YEATS2: variants seen among roughly 807,000 people sequenced by gnomAD.
YEATS2 encodes YEATS domain containing 2, also known as YEATS domain-containing protein 2.
YEATS2 carries 77 observed loss-of-function variants against 163.2 expected under a neutral mutation model. That is an observed-to-expected ratio of 0.47 (90% confidence interval 0.39 to 0.57). The LOEUF is 0.57. YEATS2 is among the 20% of genes least tolerant of loss of function. YEATS2 has a pLI of 0.00. For synonymous variants in YEATS2, 631 were observed against 645.1 expected, an observed-to-expected ratio of 0.98 and a Z score of 0.33; for missense variants, 1,549 against 1,729.8, an observed-to-expected ratio of 0.90 and a Z score of 1.85.
At chr3:183,792,764 C>T (rs1235240724) in intron 21 of YEATS2, among the ~76,000 whole-genome samples, 1 of 152,148 alleles carries the variant, frequency 6.6e-6, no homozygotes, top group Non-Finnish European at 1.5e-5. Flanking sequence ...CTACCTTGGC[C>T]TCCCAAAGTG....
At chr3:183,715,044 G>A in intron 1 of YEATS2, 100 bp from the exon 2 acceptor site, 1 of 625,434 alleles carries the variant, frequency 1.6e-6, no homozygotes. Flanking sequence ...TATTTATTTT[G>A]TTTGTACACA....
chr3:183,714,271 C>T (rs113866387), intron 1 of YEATS2, among the ~76,000 whole-genome samples: 4 of 150,904 alleles, frequency 2.7e-5, no homozygotes, highest in African/African-American at 9.8e-5. Context: ...TCTCAGCTCA[C>T]TGCAAGCTCT....
chr3:183,704,242 AT>A lies in YEATS2; in HGVS notation c.-20+6252del, dbSNP rs1480576999. On this transcript the variant is annotated intron_variant, in intron 1 of 30. Transcript: ENST00000305135. The stretch of plus-strand genomic sequence containing the variant: ...TAGATCTCCCCACTTTGGTTTTAGG[AT>A]TTAGCCTTTGTTCGTTCTGCTTGTT... Among the ~76,000 whole-genome samples the A allele has an allele frequency of 7.3e-5, 11 of 150,942 alleles. No individual in the cohort carries two copies. The East Asian group carries it at 1.9e-3, about 27-fold the overall frequency.
intron 21 of YEATS2, chr3:183,793,625 T>TC: frequency 4.1e-6 from 1 of 245,672 alleles, no homozygotes; most frequent in Non-Finnish European, 6.4e-6. Context: ...TTTTTTTTTT[T>TC]TTTTGAGATG....
intron 1 of YEATS2, among the ~76,000 whole-genome samples, chr3:183,699,117 G>T (rs928985818): frequency 1.3e-5 from 2 of 152,112 alleles, no homozygotes; most frequent in Admixed American, 6.6e-5. Context: ...TAGGCCCGTG[G>T]CAGGGAGATG....
chr3:183,800,608 G>A, intron 24 of YEATS2, 40 bp downstream of exon 24: 2 of 1,562,076 alleles, frequency 1.3e-6, no homozygotes, highest in Non-Finnish European at 8.8e-7. Context: ...TCCGCTTCGG[G>A]TGTTTGTCAC....
At chr3:183,748,257 CTTT>C (rs1232220476) in intron 9 of YEATS2, among the ~76,000 whole-genome samples, 9 of 135,428 alleles carry the variant, frequency 6.6e-5, no homozygotes, top group Non-Finnish European at 9.6e-5. Flanking sequence ...CCTTCCCCTC[CTTT>C]TTTTTTTTTT....
At chr3:183,764,021 CTG>C (rs907432585) in intron 15 of YEATS2, among the ~76,000 whole-genome samples, 35 of 151,712 alleles carry the variant, frequency 2.3e-4, no homozygotes, top group African/African-American at 8.5e-4. Context: ...TGAGCCAAGA[CTG>C]TGCCACTGCA....
intron 15 of YEATS2, 27 bp from the exon 16 acceptor site, chr3:183,772,278 C>G (rs369549238): frequency 1.2e-6 from 2 of 1,611,570 alleles, no homozygotes; most frequent in African/African-American, 2.7e-5. Flanking sequence ...CTCGAAGCAC[C>G]GTTGGACTCT....
intron 15 of YEATS2, among the ~76,000 whole-genome samples, chr3:183,769,360 TCTGTCCTTTGG>T (rs1722226180): frequency 1.3e-5 from 2 of 152,262 alleles, no homozygotes; most frequent in East Asian, 1.9e-4. Context: ...GCCACAAATG[TCTGTCCTTTGG>T]CTGTCCTTTG....
chr3:183,798,585 C>G (rs1725379418), intron 22 of YEATS2, among the ~76,000 whole-genome samples: 1 of 152,148 alleles, frequency 6.6e-6, no homozygotes, highest in African/African-American at 2.4e-5. Context: ...AACTCCTGAC[C>G]TCAGGTGATC....
At chr3:183,793,235 G>A (rs1235160124) in intron 21 of YEATS2, 33 of 1,223,848 alleles carry the variant, frequency 2.7e-5, no homozygotes, top group Non-Finnish European at 3.5e-5. Flanking sequence ...ATAAGAGGCT[G>A]TGGATGTTGT....
intron 15 of YEATS2, among the ~76,000 whole-genome samples, 193 bp from the exon 16 acceptor site, chr3:183,772,112 T>C (rs188283564): frequency 6.6e-6 from 1 of 152,308 alleles, no homozygotes; most frequent in African/African-American, 2.4e-5. Context: ...CAACAATTGT[T>C]AAGCTTCTAT....
chr3:183,771,340 A>G (rs1722435714), intron 15 of YEATS2, among the ~76,000 whole-genome samples: 1 of 152,116 alleles, frequency 6.6e-6, no homozygotes. Flanking sequence ...TTATGAAATA[A>G]GGTGCTGGGA....
rs1243763170 is a variant in YEATS2 at position 183,808,048 on chromosome 3, C to T, written c.4030C>T (p.Pro1344Ser). ...VTQKIGITLQ[P>S]VALHRNVYAS... ...TTTCCAGATTGGGATCACCCTGCAG[C>T]CCGTGGCACTCCACAGGAACGTGTA... The change falls in exon 29 of 31, where the codon CCC (proline) becomes TCC (serine). Residue 1344 changes from proline to serine, a missense_variant. Physicochemically the swap from Pro to Ser is moderately conservative, Grantham distance 74. Coordinates refer to ENST00000305135, the MANE Select transcript of YEATS2 (RefSeq NM_018023.5). 3 of 1,563,348 alleles carry T rather than the reference C, an allele frequency of 1.9e-6. No individual in the cohort carries two copies. In the South Asian group the frequency reaches 3.5e-5, roughly 18 times the overall value.
intron 18 of YEATS2, 68 bp from the exon 19 acceptor site, chr3:183,777,474 G>A (rs1723109536): frequency 6.6e-7 from 1 of 1,517,198 alleles, no homozygotes; most frequent in African/African-American, 1.4e-5. Flanking sequence ...TGTGATTTAA[G>A]GGATCAGAAC....
chr3:183,745,751 G>A (rs1044340678), intron 8 of YEATS2, among the ~76,000 whole-genome samples: 1 of 152,174 alleles, frequency 6.6e-6, no homozygotes, highest in Non-Finnish European at 1.5e-5. Flanking sequence ...CTAGAGCACA[G>A]CACTTCCCAA....
chr3:183,735,696 C>CTT lies in YEATS2; in HGVS notation c.813-1013_813-1012dup, dbSNP rs11432788. ...TGAGTTTCTTTCTCCTTGTCATTTT[C>CTT]TTTTTTTTTTGAGATGGAGTCTTGC... On this transcript the variant is annotated intron_variant, in intron 7 of 30. Coordinates refer to ENST00000305135, the MANE Select transcript of YEATS2 (RefSeq NM_018023.5). 0.012 allele frequency among the ~76,000 whole-genome samples: 1,815 copies of CTT among 149,328 alleles called. 67 individuals are homozygous for CTT. The East Asian group carries it at 0.15, about 12-fold the overall frequency.
intron 21 of YEATS2, among the ~76,000 whole-genome samples, chr3:183,795,928 T>C (rs1036379713): frequency 5.9e-5 from 9 of 151,468 alleles, no homozygotes; most frequent in African/African-American, 2.2e-4. Flanking sequence ...TTTCCTTAGC[T>C]CAGACCAGCT....
Sources: gnomAD v4.1 joint callset for allele counts (sites outside exome capture counted in the v4.1 genomes callset) on GRCh38, gnomAD v4.1.1 for gene constraint, MANE v1.5 for transcripts, NCBI Gene and HGNC (gene_info 2026-07-23, HGNC 2026-07-21) for gene names.